Variants in CFAP299 observed in about 807,000 individuals in gnomAD.
CFAP299 encodes cilia- and flagella-associated protein 299.
CFAP299 carries 21 observed loss-of-function variants against 27.0 expected under a neutral mutation model. The observed-to-expected ratio is 0.78, with a 90% CI of 0.55 to 1.12. CFAP299 has a LOEUF of 1.12. Ranked by LOEUF, CFAP299 falls within the 50% of genes most tolerant of loss-of-function variation. CFAP299 has a pLI of 0.00. For synonymous variants in CFAP299, 104 were observed against 98.1 expected (o/e 1.06, Z -0.36); for missense variants, 310 against 276.6 (o/e 1.12, Z -0.86).
At chr4:80,338,103 C>G (rs1178166928) in intron 1 of CFAP299, among the ~76,000 whole-genome samples, 1 of 152,162 alleles carries the variant, frequency 6.6e-6, no homozygotes, top group African/African-American at 2.4e-5. Flanking sequence ...CTCTCTCTCT[C>G]TCTCACACAC....
intron 2 of CFAP299, among the ~76,000 whole-genome samples, chr4:80,429,264 C>T (rs1727687046): frequency 6.6e-6 from 1 of 152,060 alleles, no homozygotes; most frequent in African/African-American, 2.4e-5. Flanking sequence ...ACAATAAGGG[C>T]ACATTTAATT....
intron 2 of CFAP299, among the ~76,000 whole-genome samples, chr4:80,401,910 G>C (rs1412813063): frequency 6.6e-6 from 1 of 152,158 alleles, no homozygotes; most frequent in Non-Finnish European, 1.5e-5. Context: ...CCCACGTCTT[G>C]AATCATTGTG....
intron 2 of CFAP299, among the ~76,000 whole-genome samples, chr4:80,535,670 C>T (rs985008018): frequency 3.3e-5 from 5 of 152,080 alleles, no homozygotes; most frequent in Non-Finnish European, 7.4e-5. Flanking sequence ...AAACTCTCTT[C>T]CTGTTTTTGA....
At chr4:80,906,175 C>T (rs1735174878) in intron 4 of CFAP299, among the ~76,000 whole-genome samples, 1 of 125,912 alleles carries the variant, frequency 7.9e-6, no homozygotes, top group Admixed American at 7.0e-5. Flanking sequence ...GCTATAGGCC[C>T]CATGCAGCCC....
At chr4:80,379,745 GGAAA>G (rs1232538914) in intron 2 of CFAP299, among the ~76,000 whole-genome samples, 5 of 151,884 alleles carry the variant, frequency 3.3e-5, no homozygotes, top group African/African-American at 9.7e-5. Context: ...ATTCTATTAT[GGAAA>G]GAGAGTATTT....
intron 2 of CFAP299, among the ~76,000 whole-genome samples, chr4:80,516,639 G>A (rs568430778): frequency 1.2e-4 from 19 of 152,216 alleles, no homozygotes; most frequent in Admixed American, 7.9e-4. Context: ...CTGACCCCAT[G>A]ATCCAATCAC....
intron 3 of CFAP299, among the ~76,000 whole-genome samples, chr4:80,632,715 T>G (rs1305045976): frequency 1.7e-5 from 2 of 118,650 alleles, no homozygotes; most frequent in Non-Finnish European, 3.6e-5. Context: ...TTTTCAAGCT[T>G]TTTTTTTTTT....
chr4:80,352,471 G>T (rs1330991601), intron 1 of CFAP299, among the ~76,000 whole-genome samples: 1 of 152,158 alleles, frequency 6.6e-6, no homozygotes, highest in Non-Finnish European at 1.5e-5. Flanking sequence ...GGAGACTGAG[G>T]CAGGAGAATC....
chr4:80,598,933 A>T (rs1737191554), intron 3 of CFAP299, among the ~76,000 whole-genome samples: 1 of 152,208 alleles, frequency 6.6e-6, no homozygotes, highest in East Asian at 1.9e-4. Flanking sequence ...AGAGTAAATC[A>T]CTTCCAGTAT....
chr4:80,820,829 A>G (rs1048063093), intron 3 of CFAP299, among the ~76,000 whole-genome samples: 1 of 152,214 alleles, frequency 6.6e-6, no homozygotes, highest in African/African-American at 2.4e-5. Context: ...GAATAGCGTT[A>G]TATGGCTGAT....
At chr4:80,570,902 T>C (rs572040444) in intron 2 of CFAP299, among the ~76,000 whole-genome samples, 9 of 152,220 alleles carry the variant, frequency 5.9e-5, no homozygotes, top group Admixed American at 3.9e-4. Context: ...TGCACCAACA[T>C]ATGTGGAACA....
intron 2 of CFAP299, among the ~76,000 whole-genome samples, chr4:80,436,241 C>T (rs888064080): frequency 4.0e-5 from 6 of 150,892 alleles, no homozygotes; most frequent in South Asian, 2.1e-4. Context: ...GGCCATGTGA[C>T]TTATATCTGA....
chr4:80,399,166 G>A (rs1262409487), intron 2 of CFAP299, among the ~76,000 whole-genome samples: 3 of 152,188 alleles, frequency 2.0e-5, no homozygotes, highest in African/African-American at 7.2e-5. Context: ...AGTTAGAATG[G>A]CGATCATTAA....
chr4:80,963,539 C>T lies in CFAP299; in HGVS notation c.629C>T (p.Thr210Ile), dbSNP rs759040107. ...DPKAQPGDNS[T>I]RITILTELYV... ...TAGGCGCAGCCAGGTGACAACTCTA[C>T]TAGAATCACTATCCTGACAGAACTC... The change falls in exon 6 of 6, where the codon ACT (threonine) becomes ATT (isoleucine). Residue 210 changes from threonine (T) to isoleucine (I), a missense_variant. Physicochemically the swap from Thr to Ile is moderately conservative, Grantham distance 89. Coordinates refer to ENST00000358105, the MANE Select transcript of CFAP299 (RefSeq NM_152770.3). 8.2e-5 allele frequency: 131 copies of T among 1,605,934 alleles called. No homozygotes were observed. The highest frequency in any genetic ancestry group is 1.0e-4 in the Non-Finnish European group (121 of 1,175,836).
At chr4:80,723,200 A>C (rs1229872612) in intron 3 of CFAP299, among the ~76,000 whole-genome samples, 1 of 152,174 alleles carries the variant, frequency 6.6e-6, no homozygotes, top group Non-Finnish European at 1.5e-5. Context: ...AGTTTTTAAA[A>C]AGGTTAAACA....
At chr4:80,837,161 A>G (rs931321810) in intron 3 of CFAP299, among the ~76,000 whole-genome samples, 1 of 152,190 alleles carries the variant, frequency 6.6e-6, no homozygotes, top group Non-Finnish European at 1.5e-5. Flanking sequence ...GGTTTTTATC[A>G]GTGCATATTA....
intron 2 of CFAP299, among the ~76,000 whole-genome samples, chr4:80,473,781 A>T (rs994168027): frequency 6.6e-6 from 1 of 152,076 alleles, no homozygotes; most frequent in South Asian, 2.1e-4. Context: ...TTGTAGAGAC[A>T]GGATCTCACT....
chr4:80,520,277 A>G (rs1350522897), intron 2 of CFAP299, among the ~76,000 whole-genome samples: 1 of 152,182 alleles, frequency 6.6e-6, no homozygotes, highest in Non-Finnish European at 1.5e-5. Flanking sequence ...GATTCATTTT[A>G]TCTCCTCTAA....
chr4:80,464,743 A>G (rs1156935772), intron 2 of CFAP299, among the ~76,000 whole-genome samples: 1 of 152,136 alleles, frequency 6.6e-6, no homozygotes, highest in East Asian at 1.9e-4. Flanking sequence ...AACTCCAGAA[A>G]TTTTATAGCT....
Sources: allele counts gnomAD v4.1 joint callset (sites outside exome capture counted in the v4.1 genomes callset), GRCh38; gene constraint gnomAD v4.1.1; transcripts MANE v1.5; gene names NCBI Gene and HGNC (gene_info 2026-07-23, HGNC 2026-07-21).